Variants in PTPRN2 observed in about 807,000 individuals in gnomAD.
The protein encoded by PTPRN2 is protein tyrosine phosphatase receptor type N2.
PTPRN2 carries 74 observed loss-of-function variants against 118.8 expected under a neutral mutation model. The ratio of observed to expected loss-of-function variants is 0.62; its 90% confidence interval spans 0.52 to 0.76. PTPRN2 has a LOEUF of 0.76. Among genes scored for constraint, PTPRN2 ranks in the 30% least tolerant of loss-of-function variants. PTPRN2 has a pLI of 0.00. For synonymous variants in PTPRN2, 641 were observed against 608.0 expected, an observed-to-expected ratio of 1.05 and a Z score of -0.80; for missense variants, 1,481 against 1,394.4, an observed-to-expected ratio of 1.06 and a Z score of -0.99.
chr7:158,390,555 G>A (rs1164165243), intron 2 of PTPRN2, among the ~76,000 whole-genome samples: 1 of 152,142 alleles, frequency 6.6e-6, no homozygotes, highest in Admixed American at 6.5e-5. Flanking sequence ...GAGGGCCTCG[G>A]CCAAGGTAGG....
At chr7:158,216,247 A>C (rs1827947297) in intron 3 of PTPRN2, among the ~76,000 whole-genome samples, 1 of 152,174 alleles carries the variant, frequency 6.6e-6, no homozygotes, top group East Asian at 1.9e-4. Flanking sequence ...TCAAAAACAT[A>C]GATAAAGTGG....
rs921821438 is a variant in PTPRN2, at chr7:158,555,732, G to A, written c.112+31826C>T. On this transcript the variant is annotated intron_variant, in intron 1 of 22. Transcript: ENST00000389418. The surrounding 1 kb of genome is among the most constrained non-coding windows in gnomAD (Gnocchi z 4.7). ...AAGGGAGCTCTTCCGCCAACAGGTG[G>A]CCGGTGTTGCTTCCCAGCGGGTTCC... Among the ~76,000 whole-genome samples, 1 of 152,032 alleles carries A rather than the reference G, an allele frequency of 6.6e-6. No individual in the cohort carries two copies. The highest frequency in any genetic ancestry group is 3.2e-3 in the Middle Eastern group (1 of 314).
At position 158,180,325 on chromosome 7, in the gene PTPRN2, T is replaced by C. The variant is rs117724263; in HGVS notation, c.549+12002A>G. 4.3e-3 allele frequency among the ~76,000 whole-genome samples: 652 copies of C among 152,376 alleles called. 15 individuals are homozygous for C. In the East Asian group the frequency reaches 0.061, roughly 14 times the overall value. On this transcript the variant is annotated intron_variant, in intron 5 of 22. Transcript: ENST00000389418. ...TTTCTGGGTTCTTTATTCTGTTCCA[T>C]TGGTCTATGTGCCTACTCTTCTACC...
chr7:158,056,913 G>A (rs1299088853), intron 11 of PTPRN2, among the ~76,000 whole-genome samples: 4 of 152,156 alleles, frequency 2.6e-5, no homozygotes, highest in Admixed American at 1.3e-4. Flanking sequence ...ATCGGGACGC[G>A]TGCTCCACTC....
Position 158,490,160 on chromosome 7 carries a change from C to A in PTPRN2, c.113-375G>T, listed in dbSNP as rs565886716. The stretch of plus-strand genomic sequence containing the variant: ...TCCCCTGGACCGGGTGCTCACCGCA[C>A]GCACCGCGTCCCTGGAAGCAAGGCT... On this transcript the variant is annotated intron_variant, in intron 1 of 22. Coordinates refer to ENST00000389418, the MANE Select transcript of PTPRN2 (RefSeq NM_002847.5). Among the ~76,000 whole-genome samples, 71 of 152,310 alleles carry A rather than the reference C, an allele frequency of 4.7e-4. 1 individual carries two copies. In the South Asian group the frequency reaches 0.014, roughly 31 times the overall value.
intron 1 of PTPRN2, among the ~76,000 whole-genome samples, chr7:158,567,904 G>A (rs781709760): frequency 8.5e-5 from 13 of 152,208 alleles, no homozygotes; most frequent in Non-Finnish European, 4.4e-5. Flanking sequence ...ACACAGAAAT[G>A]ACCAACGTGC....
intron 2 of PTPRN2, among the ~76,000 whole-genome samples, chr7:158,370,642 C>T (rs1176797932): frequency 6.6e-6 from 1 of 151,986 alleles, no homozygotes. Context: ...GTCCCAGCTA[C>T]TCAGGAGGCT....
intron 12 of PTPRN2, among the ~76,000 whole-genome samples, chr7:157,699,609 G>A (rs964168443): frequency 3.9e-5 from 6 of 152,086 alleles, no homozygotes; most frequent in Admixed American, 3.3e-4. Context: ...TGTATTTTTA[G>A]TAAAGACAGG....
At chr7:158,203,340 C>G (rs1159032474) in intron 4 of PTPRN2, among the ~76,000 whole-genome samples, 1 of 148,690 alleles carries the variant, frequency 6.7e-6, no homozygotes, top group Non-Finnish European at 1.5e-5. Context: ...GTATTTTAAA[C>G]TTTTAATCTC....
In PTPRN2 at chr7:157,871,403, A is replaced by G. The variant is rs114386585; in HGVS notation, c.1788+27270T>C. 6.9e-3 allele frequency among the ~76,000 whole-genome samples: 1,047 copies of G among 152,238 alleles called. 17 individuals are homozygous for G. Among genetic ancestry groups the G allele is most frequent in the African/African-American group, 0.024 (993 of 41,518 alleles). ...GATTTGGGTTGTTCTGCTTATGGGAAAGGGCAGGCGTGACCTCTGAGAGAA... is the reference window on the plus strand; with the variant it reads ...GATTTGGGTTGTTCTGCTTATGGGAGAGGGCAGGCGTGACCTCTGAGAGAA... On this transcript the variant is annotated intron_variant, in intron 12 of 22. Transcript: ENST00000389418.
chr7:157,810,815 C>A, intron 12 of PTPRN2, among the ~76,000 whole-genome samples: 1 of 147,788 alleles, frequency 6.8e-6, no homozygotes, highest in African/African-American at 2.5e-5. Context: ...ACAGGCTTTC[C>A]ACGGGGACGG....
At chr7:157,796,896 C>G (rs933104553) in intron 12 of PTPRN2, among the ~76,000 whole-genome samples, 1 of 152,220 alleles carries the variant, frequency 6.6e-6, no homozygotes, top group African/African-American at 2.4e-5. Context: ...CACCACCCCC[C>G]AGGCCCCACA....
intron 3 of PTPRN2, among the ~76,000 whole-genome samples, chr7:158,246,344 G>A (rs929059148): frequency 3.3e-5 from 5 of 151,614 alleles, no homozygotes; most frequent in Admixed American, 6.6e-5. Context: ...CCTGGGAGGT[G>A]AGAGATGGAG....
chr7:158,523,557 C>A (rs1405829983), intron 1 of PTPRN2, among the ~76,000 whole-genome samples: 1 of 103,352 alleles, frequency 9.7e-6, no homozygotes, highest in African/African-American at 3.7e-5. Context: ...AGTCCTCTGC[C>A]CTGGAGTGGA....
intron 3 of PTPRN2, among the ~76,000 whole-genome samples, chr7:158,257,332 G>A (rs1457846807): frequency 6.6e-6 from 1 of 152,124 alleles, no homozygotes; most frequent in Non-Finnish European, 1.5e-5. Flanking sequence ...AACTTACACA[G>A]GAACCAAATG....
At chr7:158,151,047 C>A (rs1169102289) in intron 6 of PTPRN2, among the ~76,000 whole-genome samples, 1 of 145,344 alleles carries the variant, frequency 6.9e-6, no homozygotes, top group Non-Finnish European at 1.5e-5. Context: ...CCTGCCCCTG[C>A]CTGCCCACAC....
At chr7:158,318,312 CA>C (rs1205516550) in intron 2 of PTPRN2, among the ~76,000 whole-genome samples, 1 of 152,200 alleles carries the variant, frequency 6.6e-6, no homozygotes, top group East Asian at 1.9e-4. Context: ...GGAGCGACTT[CA>C]AACATACCCA....
intron 8 of PTPRN2, among the ~76,000 whole-genome samples, chr7:158,135,399 A>C (rs1321413153): frequency 6.6e-6 from 1 of 152,344 alleles, no homozygotes; most frequent in African/African-American, 2.4e-5. Context: ...AGCTAGGAAA[A>C]AGCATAATAT....
Position 157,831,901 on chromosome 7 carries a change from G to A in PTPRN2, c.1788+66772C>T, listed in dbSNP as rs1467613218. On this transcript the variant is annotated intron_variant, in intron 12 of 22. Transcript: ENST00000389418. The surrounding 1 kb of genome is among the most constrained non-coding windows in gnomAD (Gnocchi z 4.8). ...GCCATCCTTAAGCTGGGGGAGGGCA[G>A]TTATGGAGCTCCAGAGCGGGGTAAG... Among the ~76,000 whole-genome samples, 1 of 152,240 alleles carries A rather than the reference G, an allele frequency of 6.6e-6. No individual in the cohort carries two copies. Among genetic ancestry groups the A allele is most frequent in the Non-Finnish European group, 1.5e-5 (1 of 68,046 alleles).
Sources: allele counts gnomAD v4.1 joint callset (sites outside exome capture counted in the v4.1 genomes callset), GRCh38; gene constraint gnomAD v4.1.1; non-coding constraint Gnocchi (gnomAD v3.1); transcripts MANE v1.5; gene names NCBI Gene and HGNC (gene_info 2026-07-23, HGNC 2026-07-21).